The following CCDC102B variants were observed in gnomAD, a reference collection of about 807,000 sequenced individuals.
The protein encoded by CCDC102B is coiled-coil domain containing 102B, also known as coiled-coil domain-containing protein 102B.
In CCDC102B, 75 loss-of-function variants were observed where a neutral mutation model predicts 57.4. The observed-to-expected ratio is 1.31, with a 90% confidence interval of 1.08 to 1.58. CCDC102B has a LOEUF of 1.58. CCDC102B is among the 40% of genes most tolerant of loss of function. CCDC102B has a pLI of 0.00. For missense variants in CCDC102B, 636 were observed against 582.6 expected, an observed-to-expected ratio of 1.09 and a Z score of -0.94; for synonymous variants, 206 against 201.9, an observed-to-expected ratio of 1.02 and a Z score of -0.17.
At chr18:68,928,300 C>T (rs968140482) in intron 6 of CCDC102B, among the ~76,000 whole-genome samples, 1 of 151,770 alleles carries the variant, frequency 6.6e-6, no homozygotes, top group Non-Finnish European at 1.5e-5. Flanking sequence ...AGGTGGCAAA[C>T]AATCTTATGG....
intron 5 of CCDC102B, among the ~76,000 whole-genome samples, chr18:68,892,092 G>C (rs1245689752): frequency 2.0e-5 from 3 of 152,174 alleles, no homozygotes; most frequent in African/African-American, 7.2e-5. Context: ...TTTTGGGTAG[G>C]AGGATGAAAA....
intron 2 of CCDC102B, among the ~76,000 whole-genome samples, chr18:68,776,271 T>C (rs2034812444): frequency 6.6e-6 from 1 of 152,222 alleles, no homozygotes; most frequent in Non-Finnish European, 1.5e-5. Flanking sequence ...TTAGTTTTTA[T>C]ATTTAGAATT....
In CCDC102B at chr18:68,885,946, C is replaced by T. The variant is rs141676361; in HGVS notation, c.1053+11161C>T. On this transcript the variant is annotated intron_variant, in intron 5 of 7. Transcript: ENST00000360242. ...GAATGTTCCAGATTAGTAACTGCAT[C>T]GAAAACTAAGCAAGAAACTATGAGG... Among the ~76,000 whole-genome samples the T allele has an allele frequency of 5.9e-5, 9 of 151,666 alleles. No homozygotes were observed. The East Asian group carries it at 1.7e-3, about 29-fold the overall frequency.
chr18:68,784,866 G>C (rs2035138627), intron 2 of CCDC102B, among the ~76,000 whole-genome samples: 2 of 151,564 alleles, frequency 1.3e-5, no homozygotes, highest in South Asian at 4.2e-4. Flanking sequence ...TAGTGTACTT[G>C]TGCACATTGT....
intron 6 of CCDC102B, among the ~76,000 whole-genome samples, chr18:68,907,237 G>A (rs1047407175): frequency 2.0e-5 from 3 of 151,942 alleles, no homozygotes; most frequent in Admixed American, 6.6e-5. Context: ...TAGGAAGTGC[G>A]AGTATTTCAA....
At chr18:68,760,181 A>G (rs1431787649) in intron 2 of CCDC102B, among the ~76,000 whole-genome samples, 2 of 152,146 alleles carry the variant, frequency 1.3e-5, no homozygotes, top group African/African-American at 2.4e-5. Context: ...TAAACTGTTT[A>G]CATGAATTAC....
At chr18:68,766,611 A>T (rs2034478185) in intron 2 of CCDC102B, among the ~76,000 whole-genome samples, 1 of 152,228 alleles carries the variant, frequency 6.6e-6, no homozygotes, top group Admixed American at 6.5e-5. Context: ...GCAGCAGATC[A>T]TACAGCACAG....
intron 7 of CCDC102B, among the ~76,000 whole-genome samples, chr18:69,014,853 G>A (rs1005490119): frequency 1.6e-4 from 25 of 151,918 alleles, no homozygotes; most frequent in Admixed American, 6.6e-4. Flanking sequence ...GCCATGTTTG[G>A]AACGTTGCTT....
At chr18:69,029,601 C>T (rs544673518) in intron 7 of CCDC102B, among the ~76,000 whole-genome samples, 51 of 152,262 alleles carry the variant, frequency 3.3e-4, no homozygotes, top group African/African-American at 1.2e-3. Flanking sequence ...ATTCTTTAAA[C>T]AAGCAGTTCT....
upstream of CCDC102B, among the ~76,000 whole-genome samples, chr18:68,794,044 A>G (rs1333929575): frequency 6.6e-6 from 1 of 152,166 alleles, no homozygotes; most frequent in Non-Finnish European, 1.5e-5. Context: ...AGATACTATT[A>G]CAATTTTCCA....
At chr18:68,897,461 T>C in intron 6 of CCDC102B, 33 bp downstream of exon 6, 1 of 1,602,014 alleles carries the variant, frequency 6.2e-7, no homozygotes, top group South Asian at 1.1e-5. Flanking sequence ...ATTCTCACTG[T>C]CTAATCTCAC....
At chr18:68,813,904 A>G (rs1380584305) in intron 1 of CCDC102B, among the ~76,000 whole-genome samples, 1 of 151,912 alleles carries the variant, frequency 6.6e-6, no homozygotes, top group Admixed American at 6.6e-5. Flanking sequence ...GAGACAGAGA[A>G]ACATGAATGT....
rs543398889 is a variant in CCDC102B at position 68,908,916 on chromosome 18, CTCT to C, written c.1263+11493_1263+11495del. 3.3e-3 allele frequency among the ~76,000 whole-genome samples: 497 copies of C among 152,010 alleles called. 1 individual carries two copies. Among genetic ancestry groups the C allele is most frequent in the African/African-American group, 0.011 (468 of 41,508 alleles). ...CAAAGTTTTAACTGTGTTTAAGTGG[CTCT>C]TCTTGTACTGATCCAGATCAATTTT... On this transcript the variant is annotated intron_variant, in intron 6 of 7. Transcript: ENST00000360242.
At chr18:68,983,424 C>T (rs1420565349) in intron 6 of CCDC102B, among the ~76,000 whole-genome samples, 1 of 151,848 alleles carries the variant, frequency 6.6e-6, no homozygotes, top group African/African-American at 2.4e-5. Flanking sequence ...GGAGGGTTTC[C>T]CTACCTTGTA....
intron 6 of CCDC102B, among the ~76,000 whole-genome samples, chr18:68,903,799 G>A (rs991624668): frequency 2.6e-5 from 4 of 152,126 alleles, no homozygotes; most frequent in African/African-American, 4.8e-5. Flanking sequence ...ATAATGGATC[G>A]CTTTCAGAAA....
rs2040278757 is a variant in CCDC102B at position 68,897,388 on chromosome 18, A to G, written c.1223A>G (p.Asp408Gly). The G allele has an allele frequency of 3.7e-6, 6 of 1,612,052 alleles. No homozygotes were observed. The highest frequency in any genetic ancestry group is 2.2e-5 in the East Asian group (1 of 44,856). The change falls in exon 6 of 8, where the codon GAT (aspartate) becomes GGT (glycine). Residue 408 changes from aspartate (D) to glycine (G), a missense_variant. Transcript: ENST00000360242. ...TTAAGTGCAAACTCTCAAAGTCCTG[A>G]TTTCAAGATGTCACAAATTGATCTG... ...NRLSANSQSPDFKMSQIDLQE... is the reference protein window; with the variant it reads ...NRLSANSQSPGFKMSQIDLQE...
At chr18:68,957,210 G>T (rs1271175365) in intron 6 of CCDC102B, among the ~76,000 whole-genome samples, 1 of 152,024 alleles carries the variant, frequency 6.6e-6, no homozygotes, top group Non-Finnish European at 1.5e-5. Context: ...CAAGGCCAAT[G>T]TACTGGAGAG....
chr18:68,941,944 C>T (rs917253910), intron 6 of CCDC102B, among the ~76,000 whole-genome samples: 3 of 152,034 alleles, frequency 2.0e-5, no homozygotes, highest in Non-Finnish European at 2.9e-5. Context: ...TAGGTGATCT[C>T]CTTCAGGCAA....
At chr18:68,733,612 T>C (rs541009608) in intron 2 of CCDC102B, among the ~76,000 whole-genome samples, 84 of 151,640 alleles carry the variant, frequency 5.5e-4, no homozygotes, top group African/African-American at 1.9e-3. Flanking sequence ...AATAAACCCT[T>C]ATATCAATCA....
Sources: gnomAD v4.1 joint callset for allele counts (sites outside exome capture counted in the v4.1 genomes callset) on GRCh38, gnomAD v4.1.1 for gene constraint, MANE v1.5 for transcripts, NCBI Gene and HGNC (gene_info 2026-07-23, HGNC 2026-07-21) for gene names.